Variants in CPLANE1 observed in about 807,000 individuals in gnomAD.
The protein encoded by CPLANE1 is ciliogenesis and planar polarity effector complex subunit 1.
In CPLANE1, 263 loss-of-function variants were observed where a neutral mutation model predicts 362.5. That is an observed-to-expected ratio of 0.73 (90% CI 0.66 to 0.80). The LOEUF (loss-of-function observed/expected upper bound fraction) is 0.80, where lower values mean the gene tolerates loss of function less well. Among genes scored for constraint, CPLANE1 ranks in the 30% least tolerant of loss-of-function variants. The pLI is 0.00. For missense variants in CPLANE1, 3,461 were observed against 3,793.4 expected (o/e 0.91, Z 2.30); for synonymous variants, 1,212 against 1,302.6 (o/e 0.93, Z 1.50).
the CPLANE1 span, chr5:37,085,263 A>G: frequency 3.4e-6 from 3 of 873,886 alleles, no homozygotes. Context: ...GGGGTTCATT[A>G]AGGTTGATGG....
chr5:37,183,981 A>G (rs1414364453), intron 25 of CPLANE1, among the ~76,000 whole-genome samples: 1 of 152,220 alleles, frequency 6.6e-6, no homozygotes, highest in Non-Finnish European at 1.5e-5. Context: ...ATAAAAGAAC[A>G]TGAATAATTT....
At chr5:37,085,631 A>G in the CPLANE1 span, 6 of 987,556 alleles carry the variant, frequency 6.1e-6, no homozygotes, top group South Asian at 7.6e-5. Flanking sequence ...TAACCTGGGA[A>G]TAACTGGTGT....
downstream of CPLANE1, among the ~76,000 whole-genome samples, chr5:37,105,951 C>T (rs891603053): frequency 2.0e-5 from 3 of 151,920 alleles, no homozygotes; most frequent in Middle Eastern, 3.2e-3. Flanking sequence ...GAAGTCAATA[C>T]CATAATGAGG....
intron 8 of CPLANE1, among the ~76,000 whole-genome samples, chr5:37,234,684 C>T (rs1404770339): frequency 6.6e-6 from 1 of 152,072 alleles, no homozygotes; most frequent in African/African-American, 2.4e-5. Flanking sequence ...CATTCAGATA[C>T]AGGAGGCCCA....
the CPLANE1 span, among the ~76,000 whole-genome samples, chr5:37,086,788 A>G: frequency 6.6e-6 from 1 of 152,300 alleles, no homozygotes; most frequent in African/African-American, 2.4e-5. Flanking sequence ...CTGGACCTTC[A>G]AGCTGGAATG....
At chr5:37,182,111 A>AAACAAAG (rs1300534414) in intron 26 of CPLANE1, among the ~76,000 whole-genome samples, 1 of 152,038 alleles carries the variant, frequency 6.6e-6, no homozygotes, top group African/African-American at 2.4e-5. Context: ...AAAAAACAAA[A>AAACAAAG]CAAAACAAAA....
chr5:37,108,440 A>G lies in CPLANE1; in HGVS notation c.9432T>C (p.His3144=). 2 of 1,614,166 alleles carry G rather than the reference A, an allele frequency of 1.2e-6. No homozygotes were observed. Among genetic ancestry groups the G allele is most frequent in the Non-Finnish European group, 1.7e-6 (2 of 1,180,004 alleles). ...GCCCAGCACTTCCATGTTTTTTTGT[A>G]TGCTGCAGACTATGACACGGAGCAT... ...GSNAPCHSLQ[H]TKKHGSAGLA... Residue 3144 remains histidine (H), a synonymous_variant, in exon 52 of 53, where the codon CAT becomes CAC. Coordinates refer to ENST00000651892, the MANE Select transcript of CPLANE1 (RefSeq NM_001384732.1).
chr5:37,227,139 G>C, intron 11 of CPLANE1, 66 bp from the exon 12 acceptor site: 1 of 1,501,176 alleles, frequency 6.7e-7, no homozygotes, highest in Non-Finnish European at 8.9e-7. Flanking sequence ...GCATCACTTT[G>C]GCGTTCTTAA....
chr5:37,110,883 C>A (rs1168745233), intron 51 of CPLANE1, among the ~76,000 whole-genome samples: 1 of 148,600 alleles, frequency 6.7e-6, no homozygotes, highest in African/African-American at 2.5e-5. Flanking sequence ...TCTTGGCTCA[C>A]TACAACCTCT....
Position 37,244,701 on chromosome 5 carries a change from A to C in CPLANE1, c.338-94T>G, listed in dbSNP as rs569887754. ...TATGTATTCTTACAATAAAAAAAAA[A>C]CAAATAATGTTACCATTCAGGATGT... is the stretch of plus-strand genomic sequence containing the variant. On this transcript the variant is annotated intron_variant, in intron 4 of 52. Coordinates refer to ENST00000651892, the MANE Select transcript of CPLANE1 (RefSeq NM_001384732.1). The C allele has an allele frequency of 7.4e-4, 582 of 785,972 alleles. 8 individuals are homozygous for C. The South Asian group carries it at 0.011, about 15-fold the overall frequency. 48.7% of individuals were successfully genotyped at this position (785,972 alleles called of 1,614,324 possible). A position where few individuals can be genotyped will look rare whatever the true frequency, so the allele number is the denominator to read the frequency against.
At position 37,229,525 on chromosome 5, in the gene CPLANE1, C is replaced by A. The variant is rs146817894; in HGVS notation, c.1121+1342G>T. On this transcript the variant is annotated intron_variant, in intron 9 of 52. Transcript: ENST00000651892. ...CCGCACTCCAGCCTGGGGGACAGAG[C>A]GAGACTCTGTCTCAAAATAAATAAA... Among the ~76,000 whole-genome samples the A allele has an allele frequency of 1.9e-3, 281 of 144,792 alleles. 12 individuals carry two copies. In the East Asian group the frequency reaches 0.052, roughly 27 times the overall value. 95.0% of individuals were successfully genotyped at this position (144,792 alleles called of 152,430 possible).
chr5:37,238,993 A>C (rs980726384), intron 7 of CPLANE1, 33 bp from the exon 8 acceptor site: 1 of 1,099,982 alleles, frequency 9.1e-7, no homozygotes, highest in Non-Finnish European at 1.3e-6. Context: ...GAAAACTATT[A>C]AAATTATTTT....
Position 37,158,218 on chromosome 5 carries a change from A to C in CPLANE1, c.7812+6T>G. On this transcript the variant is annotated splice_donor_region_variant and intron_variant, in intron 39 of 52. Transcript: ENST00000651892. ...TATTATTAAAACTTCTGAATAAAACACAAACCAAGTTTGTTACTGTATGAG... is the reference window on the plus strand; with the variant it reads ...TATTATTAAAACTTCTGAATAAAACCCAAACCAAGTTTGTTACTGTATGAG... 1 of 1,613,272 alleles carries C rather than the reference A, an allele frequency of 6.2e-7. No individual in the cohort carries two copies. The highest frequency in any genetic ancestry group is 8.5e-7 in the Non-Finnish European group (1 of 1,179,520).
intron 9 of CPLANE1, among the ~76,000 whole-genome samples, chr5:37,228,304 A>C (rs910310167): frequency 5.9e-5 from 9 of 152,152 alleles, no homozygotes; most frequent in Admixed American, 6.5e-5. Flanking sequence ...TAAACATACA[A>C]TATTGTTATT....
chr5:37,182,313 C>T (rs75331501), intron 26 of CPLANE1, among the ~76,000 whole-genome samples: 6 of 152,264 alleles, frequency 3.9e-5, no homozygotes, highest in African/African-American at 1.4e-4. Flanking sequence ...ACTGACTCCC[C>T]CATCTGCCTT....
intron 44 of CPLANE1, chr5:37,141,303 T>C: frequency 1.0e-6 from 1 of 985,354 alleles, no homozygotes; most frequent in Non-Finnish European, 1.2e-6. Context: ...CCCTCTACCA[T>C]CTAGCCATAT....
chr5:37,248,762 T>C (rs1740706946), intron 1 of CPLANE1, among the ~76,000 whole-genome samples: 1 of 152,194 alleles, frequency 6.6e-6, no homozygotes, highest in African/African-American at 2.4e-5. Context: ...CAGCTCCTAA[T>C]GAAATAACAA....
At chr5:37,122,684 C>A (rs181367472) in intron 47 of CPLANE1, among the ~76,000 whole-genome samples, 196 bp from the exon 48 acceptor site, 1 of 152,084 alleles carries the variant, frequency 6.6e-6, no homozygotes, top group Non-Finnish European at 1.5e-5. Context: ...GAGGCTGCGG[C>A]GGGCGGATCA....
Position 37,142,481 on chromosome 5 carries a change from C to G in CPLANE1, c.8462-1G>C, listed in dbSNP as rs151279194. ...TCATCCATATGGGTCAAAAAACGCA[C>G]TAATCCAGAGTATATATTACAATTA... On this transcript the variant is annotated splice_acceptor_variant, in intron 43 of 52. Transcript: ENST00000651892. LOFTEE classifies it high-confidence loss of function. 7.6e-4 allele frequency: 1,204 copies of G among 1,574,996 alleles called. 1 individual carries two copies. The highest frequency in any genetic ancestry group is 9.9e-4 in the Non-Finnish European group (1,147 of 1,160,204).
Sources: allele counts gnomAD v4.1 joint callset (sites outside exome capture counted in the v4.1 genomes callset), GRCh38; gene constraint gnomAD v4.1.1; transcripts MANE v1.5; gene names NCBI Gene and HGNC (gene_info 2026-07-23, HGNC 2026-07-21).